The following DNM3 variants were observed in gnomAD, a reference collection of about 807,000 sequenced individuals.
The protein encoded by DNM3 is dynamin 3.
A neutral mutation model predicts 101.6 loss-of-function variants in DNM3; 47 were observed. The observed-to-expected ratio is 0.46, with a 90% CI of 0.37 to 0.59. DNM3 has a LOEUF of 0.59. Ranked by LOEUF, DNM3 falls within the 20% of genes least tolerant of loss-of-function variation. The pLI, the probability that DNM3 is intolerant of heterozygous loss-of-function variation, is 0.00. For missense variants in DNM3, 849 were observed against 1,085.7 expected (o/e 0.78, Z 3.06); for synonymous variants, 385 against 387.9 (o/e 0.99, Z 0.09).
chr1:172,116,756 A>T (rs1339374383), intron 13 of DNM3, among the ~76,000 whole-genome samples: 3 of 152,202 alleles, frequency 2.0e-5, no homozygotes, highest in Admixed American at 2.0e-4. Flanking sequence ...TTAATAGAAG[A>T]ATGTGCATTG....
intron 14 of DNM3, among the ~76,000 whole-genome samples, chr1:172,228,258 G>C (rs1573029355): frequency 6.6e-6 from 1 of 151,448 alleles, no homozygotes; most frequent in South Asian, 2.1e-4. Flanking sequence ...TTGTACTCTG[G>C]GGCTTTGAGA....
chr1:171,948,112 C>A (rs536190308), intron 2 of DNM3, among the ~76,000 whole-genome samples: 1 of 152,290 alleles, frequency 6.6e-6, no homozygotes, highest in Non-Finnish European at 1.5e-5. Context: ...TAAATTATTT[C>A]TGTTCTTTAA....
intron 17 of DNM3, 115 bp downstream of exon 17, chr1:172,323,455 C>A: frequency 1.5e-6 from 2 of 1,300,176 alleles, no homozygotes; most frequent in Non-Finnish European, 1.1e-6. Context: ...TGTTACAGTG[C>A]ACGAATTATA....
intron 10 of DNM3, among the ~76,000 whole-genome samples, chr1:172,053,382 G>T (rs772540858): frequency 1.3e-5 from 2 of 151,888 alleles, no homozygotes; most frequent in Non-Finnish European, 2.9e-5. Context: ...TCTTCCTAAA[G>T]GGCCTCTGTG....
intron 14 of DNM3, among the ~76,000 whole-genome samples, chr1:172,252,037 A>T (rs1016089032): frequency 2.0e-5 from 3 of 152,140 alleles, no homozygotes; most frequent in African/African-American, 7.2e-5. Flanking sequence ...TTGATAATAT[A>T]TTCTTAACTT....
chr1:171,936,729 C>A (rs966159481), intron 2 of DNM3, among the ~76,000 whole-genome samples: 1 of 152,024 alleles, frequency 6.6e-6, no homozygotes, highest in African/African-American at 2.4e-5. Flanking sequence ...TTTTACATGA[C>A]TTGGAATTTA....
chr1:172,283,451 T>C (rs1454932566), intron 15 of DNM3, among the ~76,000 whole-genome samples: 2 of 151,982 alleles, frequency 1.3e-5, no homozygotes, highest in East Asian at 3.9e-4. Flanking sequence ...ATTCCTCAAG[T>C]ATATTCATTC....
At chr1:172,144,994 T>G (rs543336485) in intron 14 of DNM3, among the ~76,000 whole-genome samples, 1 of 152,172 alleles carries the variant, frequency 6.6e-6, no homozygotes, top group African/African-American at 2.4e-5. Flanking sequence ...CGTTAAGCAG[T>G]CATTTCATCT....
At chr1:172,214,515 T>C (rs1572977854) in intron 14 of DNM3, among the ~76,000 whole-genome samples, 1 of 151,396 alleles carries the variant, frequency 6.6e-6, no homozygotes, top group Non-Finnish European at 1.5e-5. Context: ...ACACACCTCA[T>C]CCCCCCCACA....
chr1:171,944,211 A>G (rs1401095515), intron 2 of DNM3, among the ~76,000 whole-genome samples: 7 of 152,090 alleles, frequency 4.6e-5, no homozygotes, highest in Admixed American at 3.9e-4. Context: ...AGGAAACACT[A>G]TTCTTAAATT....
intron 13 of DNM3, among the ~76,000 whole-genome samples, chr1:172,116,759 G>A (rs758998449): frequency 6.6e-6 from 1 of 152,220 alleles, no homozygotes. Context: ...ATAGAAGAAT[G>A]TGCATTGTGT....
chr1:172,129,542 G>A (rs576794772), intron 13 of DNM3, among the ~76,000 whole-genome samples: 2 of 152,234 alleles, frequency 1.3e-5, no homozygotes, highest in East Asian at 3.9e-4. Context: ...ACATGGCTGG[G>A]GAGGCCTCAC....
At chr1:172,181,456 G>T (rs1368363017) in intron 14 of DNM3, among the ~76,000 whole-genome samples, 1 of 150,574 alleles carries the variant, frequency 6.6e-6, no homozygotes, top group Non-Finnish European at 1.5e-5. Flanking sequence ...TATATATCTT[G>T]CTATTAGGGC....
At chr1:172,149,535 G>A (rs2058048625) in intron 14 of DNM3, among the ~76,000 whole-genome samples, 1 of 152,156 alleles carries the variant, frequency 6.6e-6, no homozygotes, top group Non-Finnish European at 1.5e-5. Flanking sequence ...TAGCAGTGTA[G>A]TCTGCTGCCT....
intron 13 of DNM3, among the ~76,000 whole-genome samples, chr1:172,114,897 C>G (rs187994778): frequency 6.6e-5 from 10 of 152,192 alleles, no homozygotes; most frequent in African/African-American, 1.9e-4. Context: ...AAAATTTTAT[C>G]TTTTATAATC....
At chr1:172,110,085 G>T (rs2147938650) in intron 13 of DNM3, among the ~76,000 whole-genome samples, 1 of 152,224 alleles carries the variant, frequency 6.6e-6, no homozygotes, top group African/African-American at 2.4e-5. Flanking sequence ...TTACATATAA[G>T]ATAAAGTTCT....
intron 15 of DNM3, among the ~76,000 whole-genome samples, chr1:172,283,836 G>T (rs577054805): frequency 6.6e-6 from 1 of 151,644 alleles, no homozygotes; most frequent in Admixed American, 6.6e-5. Context: ...ATGTAAGAGG[G>T]TTATATTCTA....
Position 172,314,674 on chromosome 1 carries a change from C to G in DNM3, c.1881+5835C>G, listed in dbSNP as rs1183884529. Among the ~76,000 whole-genome samples the G allele has an allele frequency of 2.0e-5, 3 of 152,128 alleles. No homozygotes were observed. In the East Asian group the frequency reaches 5.8e-4, roughly 29 times the overall value. ...CTGAGATCAAACTGCAAGGTGGCAG[C>G]GAGGCTGAGGGAGGGGCGCCCGCCA... On this transcript the variant is annotated intron_variant, in intron 16 of 20. Coordinates refer to ENST00000627582, the MANE Select transcript of DNM3 (RefSeq NM_015569.5).
intron 14 of DNM3, among the ~76,000 whole-genome samples, chr1:172,163,468 G>T (rs1199781365): frequency 6.6e-6 from 1 of 151,890 alleles, no homozygotes; most frequent in Non-Finnish European, 1.5e-5. Context: ...TCAATCTCTT[G>T]ACCTCGTGAT....
Sources: gnomAD v4.1 joint callset for allele counts (sites outside exome capture counted in the v4.1 genomes callset) on GRCh38, gnomAD v4.1.1 for gene constraint, MANE v1.5 for transcripts, NCBI Gene and HGNC (gene_info 2026-07-23, HGNC 2026-07-21) for gene names.